The following CEACAM7 variants were observed in gnomAD, a reference collection of about 807,000 sequenced individuals.
CEACAM7 encodes the protein CEA cell adhesion molecule 7, also known as cell adhesion molecule CEACAM7.
In CEACAM7, 24 loss-of-function variants were observed where a neutral mutation model predicts 25.7. The ratio of observed to expected loss-of-function variants is 0.93; its 90% CI spans 0.68 to 1.31. The LOEUF (loss-of-function observed/expected upper bound fraction) is 1.31, where lower values mean the gene tolerates loss of function less well. Ranked by LOEUF, CEACAM7 falls within the 40% of genes most tolerant of loss-of-function variation. The probability of loss-of-function intolerance (pLI) is 0.00; values close to 1 mark genes in which losing one functional copy is unlikely to be tolerated. For synonymous variants in CEACAM7, 144 were observed against 129.4 expected (o/e 1.11, Z -0.77); for missense variants, 324 against 330.1 (o/e 0.98, Z 0.14).
At chr19:41,680,046 G>A (rs954504458) in intron 3 of CEACAM7, among the ~76,000 whole-genome samples, 7 of 128,994 alleles carry the variant, frequency 5.4e-5, no homozygotes, top group African/African-American at 2.1e-4. Context: ...TCTCGAACTT[G>A]TGACCCCAAA....
rs377246018 is a variant in CEACAM7 at position 41,677,378 on chromosome 19, C to G, written c.*34G>C. ...AGAGGAAAGGTCATAATACCTACCA[C>G]TCTTCCCGAAATGCAGAAACTACAC... is the stretch of plus-strand genomic sequence containing the variant. On this transcript the variant is annotated splice_region_variant and 3_prime_UTR_variant, in exon 4 of 5. Transcript: ENST00000401731. 2 of 1,508,938 alleles carry G rather than the reference C, an allele frequency of 1.3e-6. No homozygotes were observed. The highest frequency in any genetic ancestry group is 1.8e-6 in the Non-Finnish European group (2 of 1,084,332). The allele number at this position is 1,508,938 out of a possible 1,614,324, so 93.5% of individuals were successfully genotyped here. A position where few individuals can be genotyped will look rare whatever the true frequency, so the allele number is the denominator to read the frequency against.
chr19:41,687,376 A>G (rs2072239856), intron 1 of CEACAM7, among the ~76,000 whole-genome samples, 155 bp from the exon 2 acceptor site: 1 of 151,968 alleles, frequency 6.6e-6, no homozygotes, highest in South Asian at 2.1e-4. Flanking sequence ...TGTCAGCAGC[A>G]TGTCCCCTAT....
rs1042235201 is a variant in CEACAM7, at chr19:41,686,867, T to C, written c.419A>G (p.Tyr140Cys). The C allele has an allele frequency of 1.3e-6, 2 of 1,529,210 alleles. No homozygotes were observed. The highest frequency in any genetic ancestry group is 1.3e-5 in the South Asian group (1 of 75,310). 94.7% of individuals were successfully genotyped at this position (1,529,210 alleles called of 1,614,324 possible). ...ATGGAGGTATCACTCACAGAATACG[T>C]AGAATTGTCTGGTTACTTCTTCATT... ...LVNEEVTRQF[Y>C]VFSEPPKPSI... The change falls in exon 2 of 5, where the codon TAC becomes TGC. Residue 140 changes from tyrosine to cysteine, a missense_variant. Transcript: ENST00000401731.
At chr19:41,681,542 C>T (rs990329646) in intron 3 of CEACAM7, among the ~76,000 whole-genome samples, 1 of 151,964 alleles carries the variant, frequency 6.6e-6, no homozygotes. Flanking sequence ...GTCCACCGAA[C>T]GATAAGTCAA....
At chr19:41,685,098 C>T (rs1259820954) in intron 2 of CEACAM7, among the ~76,000 whole-genome samples, 3 of 152,158 alleles carry the variant, frequency 2.0e-5, no homozygotes, top group Non-Finnish European at 4.4e-5. Flanking sequence ...GAGGAGGTCC[C>T]AGGAATGACT....
At chr19:41,680,174 G>GA (rs1209111653) in intron 3 of CEACAM7, among the ~76,000 whole-genome samples, 1 of 150,906 alleles carries the variant, frequency 6.6e-6, no homozygotes, top group Non-Finnish European at 1.5e-5. Flanking sequence ...AAGAAATTAA[G>GA]AAAAAAATTG....
chr19:41,687,731 C>T (rs558434401), intron 1 of CEACAM7, among the ~76,000 whole-genome samples: 13 of 151,002 alleles, frequency 8.6e-5, no homozygotes, highest in Non-Finnish European at 1.5e-4. Context: ...TGAGAGTTCC[C>T]AGGGCCCTCC....
In CEACAM7 at chr19:41,677,433, C is replaced by A; in HGVS notation, c.777G>T (p.Leu259=). 1 of 1,613,914 alleles carries A rather than the reference C, an allele frequency of 6.2e-7. No homozygotes were observed. The part of the protein sequence containing the change: ...GTAVSIMIGV[L]AGMALI Reference sequence around the variant, plus strand: ...GCTGCTATATCAGAGCCATCCCAGCCAGTACTCCAATCATGATGCTGACAG... The same window carrying A: ...GCTGCTATATCAGAGCCATCCCAGCAAGTACTCCAATCATGATGCTGACAG... Residue 259 remains leucine (L), a synonymous_variant, in exon 4 of 5, where the codon CTG becomes CTT. Coordinates refer to ENST00000401731, the MANE Select transcript of CEACAM7 (RefSeq NM_001291485.2).
chr19:41,677,609 G>T (rs118071263), intron 3 of CEACAM7, 106 bp from the exon 4 acceptor site: 10,851 of 723,314 alleles, frequency 0.015, 219 homozygotes, highest in Admixed American at 0.08. Context: ...TTCCTTCAAG[G>T]AATACATTAT....
intron 2 of CEACAM7, among the ~76,000 whole-genome samples, chr19:41,684,822 G>GC (rs2072211238): frequency 6.6e-6 from 1 of 152,236 alleles, no homozygotes; most frequent in Admixed American, 6.5e-5. Flanking sequence ...CCTGTCCCCA[G>GC]CTCCTGTGCA....
At chr19:41,677,608 G>T (rs148988503) in intron 3 of CEACAM7, 105 bp from the exon 4 acceptor site, 11,151 of 728,196 alleles carry the variant, frequency 0.015, 225 homozygotes, top group Admixed American at 0.081. Flanking sequence ...GTTCCTTCAA[G>T]GAATACATTA....
At chr19:41,684,300 C>T (rs1236010669) in intron 2 of CEACAM7, among the ~76,000 whole-genome samples, 3 of 152,162 alleles carry the variant, frequency 2.0e-5, no homozygotes, top group East Asian at 1.9e-4. Flanking sequence ...TGTGCAGCAG[C>T]GTTGGCCCAT....
chr19:41,684,086 A>G, intron 2 of CEACAM7, 23 bp from the exon 3 acceptor site: 1 of 1,588,782 alleles, frequency 6.3e-7, no homozygotes, highest in Non-Finnish European at 8.6e-7. Flanking sequence ...GAGAGAGAAA[A>G]GATTGCCCTG....
chr19:41,686,070 G>C (rs964389675), intron 2 of CEACAM7, among the ~76,000 whole-genome samples: 28 of 152,172 alleles, frequency 1.8e-4, no homozygotes, highest in Non-Finnish European at 5.9e-5. Context: ...GCCCTGTGTA[G>C]AAGAGCTGCC....
intron 2 of CEACAM7, 29 bp from the exon 3 acceptor site, chr19:41,684,092 C>A (rs1555810994): frequency 1.3e-6 from 2 of 1,565,296 alleles, no homozygotes; most frequent in Non-Finnish European, 1.7e-6. Flanking sequence ...GAAAAGATTG[C>A]CCTGTGTGGC....
At position 41,683,838 on chromosome 19, in the gene CEACAM7, AT is replaced by A; in HGVS notation, c.652del (p.Ile218TyrfsTer15). On this transcript the variant is annotated frameshift_variant, in exon 3 of 5. Coordinates refer to ENST00000401731, the MANE Select transcript of CEACAM7 (RefSeq NM_001291485.2). LOFTEE classifies it high-confidence loss of function. ...GCGGCTGGCACCCACTGGGTTCTGT[AT>A]TTCACATTCATAGGGTCCTATGTCA... ...KNDIGPYECE[I>X]QNPVGASRSD... The A allele has an allele frequency of 6.2e-7, 1 of 1,614,162 alleles. No homozygotes were observed. The highest frequency in any genetic ancestry group is 1.6e-4 in the Middle Eastern group (1 of 6,062).
chr19:41,683,706 G>C (rs2072197585), intron 3 of CEACAM7, 79 bp downstream of exon 3: 1 of 1,565,744 alleles, frequency 6.4e-7, no homozygotes, highest in Non-Finnish European at 8.7e-7. Flanking sequence ...TTGGACCTGA[G>C]AGGGACTAAG....
At chr19:41,676,176 A>C (rs1287907758) in intron 4 of CEACAM7, among the ~76,000 whole-genome samples, 1 of 152,240 alleles carries the variant, frequency 6.6e-6, no homozygotes, top group African/African-American at 2.4e-5. Context: ...GCATGTGGGA[A>C]GGCTTAAATA....
intron 2 of CEACAM7, among the ~76,000 whole-genome samples, chr19:41,685,893 C>T (rs2072220755): frequency 6.6e-6 from 1 of 152,104 alleles, no homozygotes; most frequent in African/African-American, 2.4e-5. Flanking sequence ...GCTACAAAGA[C>T]CTGGGGACTC....
Sources: gnomAD v4.1 joint callset for allele counts (sites outside exome capture counted in the v4.1 genomes callset) on GRCh38, gnomAD v4.1.1 for gene constraint, MANE v1.5 for transcripts, NCBI Gene and HGNC (gene_info 2026-07-23, HGNC 2026-07-21) for gene names.